SMARCA2: variants seen among roughly 807,000 people sequenced by gnomAD.
SMARCA2 encodes the protein SWI/SNF-related matrix-associated actin-dependent regulator of chromatin subfamily A member 2.
Under a neutral mutation model 199.8 loss-of-function variants are expected in SMARCA2, and 61 were observed. The observed-to-expected ratio is 0.31, with a 90% CI of 0.25 to 0.38. The LOEUF (loss-of-function observed/expected upper bound fraction) is 0.38, where lower values mean the gene tolerates loss of function less well. Ranked by LOEUF, SMARCA2 falls within the 10% of genes least tolerant of loss-of-function variation. The pLI is 1.00. For synonymous variants in SMARCA2, 935 were observed against 732.0 expected (o/e 1.28, Z -4.48); for missense variants, 1,344 against 2,012.2 (o/e 0.67, Z 6.35).
At chr9:2,162,324 A>C (rs1825723745) in intron 28 of SMARCA2, among the ~76,000 whole-genome samples, 1 of 152,240 alleles carries the variant, frequency 6.6e-6, no homozygotes, top group African/African-American at 2.4e-5. Flanking sequence ...TTTAAAGCAA[A>C]ATAGATGCTT....
Position 2,192,945 on chromosome 9 carries a change from C to T in SMARCA2, c.*206C>T. On this transcript the variant is annotated 3_prime_UTR_variant, in exon 34 of 34. Transcript: ENST00000349721. ...CACAAATATTTGTAACATATTGTGACCAAATGGGCCTCAAAGATTCAGATT... is the reference window on the plus strand; with the variant it reads ...CACAAATATTTGTAACATATTGTGATCAAATGGGCCTCAAAGATTCAGATT... 5.8e-6 allele frequency: 3 copies of T among 515,398 alleles called. No individual in the cohort carries two copies. Among genetic ancestry groups the T allele is most frequent in the Non-Finnish European group, 6.8e-6 (2 of 292,382 alleles). 31.9% of individuals were successfully genotyped at this position (515,398 alleles called of 1,614,324 possible).
chr9:2,171,560 TG>T (rs1826249381), intron 29 of SMARCA2, among the ~76,000 whole-genome samples: 2 of 152,372 alleles, frequency 1.3e-5, no homozygotes, highest in African/African-American at 4.8e-5. Context: ...TGACTAATCC[TG>T]GAAACCAGGC....
chr9:2,083,452 A>C, intron 16 of SMARCA2, 39 bp downstream of exon 16: 1 of 1,303,402 alleles, frequency 7.7e-7, no homozygotes. Flanking sequence ...GTGGAAAAGC[A>C]AAAAATAGAC....
chr9:2,123,798 C>T lies in SMARCA2; in HGVS notation c.3842C>T (p.Pro1281Leu). 6.2e-7 allele frequency: 1 copy of T among 1,613,776 alleles called. No individual in the cohort carries two copies. Residue 1281 changes from proline (P) to leucine (L), a missense_variant, in exon 27 of 34, where the codon CCC becomes CTC. Transcript: ENST00000349721. This position sits in a 1 kb window ranked among gnomAD's most constrained non-coding sequence, Gnocchi z 4.1. Reference sequence around the variant, plus strand: ...CGTTTAATGGAGGAGGATGAGCTGCCCTCCTGGATCATTAAGGATGACGCT... The same window carrying T: ...CGTTTAATGGAGGAGGATGAGCTGCTCTCCTGGATCATTAAGGATGACGCT... ...KPRLMEEDEL[P>L]SWIIKDDAEV...
chr9:2,151,763 T>A (rs906979538), intron 27 of SMARCA2, among the ~76,000 whole-genome samples: 5 of 151,808 alleles, frequency 3.3e-5, no homozygotes, highest in African/African-American at 1.2e-4. Flanking sequence ...TTAAAAAATA[T>A]GTAAACCACA....
intron 19 of SMARCA2, among the ~76,000 whole-genome samples, chr9:2,093,240 A>C (rs912958554): frequency 9.2e-5 from 14 of 152,372 alleles, no homozygotes; most frequent in African/African-American, 1.4e-4. Context: ...CGGGGTACCC[A>C]GTATGTACAC....
chr9:2,127,510 G>C (rs1348205420), intron 27 of SMARCA2, among the ~76,000 whole-genome samples: 2 of 152,144 alleles, frequency 1.3e-5, no homozygotes, highest in Non-Finnish European at 2.9e-5. Flanking sequence ...GGGTCATTCA[G>C]GGCTCCAGGC....
intron 26 of SMARCA2, among the ~76,000 whole-genome samples, chr9:2,122,504 C>A (rs950934057): frequency 3.9e-5 from 6 of 152,178 alleles, no homozygotes; most frequent in African/African-American, 1.4e-4. Flanking sequence ...AATTATAGCA[C>A]ATGACAGAGC....
At position 2,124,508 on chromosome 9, in the gene SMARCA2, A is replaced by T. The variant is rs575750917; in HGVS notation, c.3981+571A>T. 3.9e-5 allele frequency among the ~76,000 whole-genome samples: 6 copies of T among 152,312 alleles called. No individual in the cohort carries two copies. In the South Asian group the frequency reaches 1.2e-3, roughly 32 times the overall value. ...AGAAACTGAGGCCCAGAGAGGTGAC[A>T]TGGCTATGCAGGACACACAGCTGGT... On this transcript the variant is annotated intron_variant, in intron 27 of 33. Transcript: ENST00000349721.
At chr9:2,133,805 G>A (rs1435076460) in intron 27 of SMARCA2, among the ~76,000 whole-genome samples, 1 of 152,158 alleles carries the variant, frequency 6.6e-6, no homozygotes, top group African/African-American at 2.4e-5. Flanking sequence ...GGGTTCGGGT[G>A]AGCATCAGAA....
Position 2,016,935 on chromosome 9 carries a change from C to T in SMARCA2, c.-37+1531C>T, listed in dbSNP as rs1461856727. Reference sequence around the variant, plus strand: ...CCGGTCCGGCGCGCCAGCCCCTCGGCGCCCTCCGGCCGCAGGGCGCACACG... The same window carrying T: ...CCGGTCCGGCGCGCCAGCCCCTCGGTGCCCTCCGGCCGCAGGGCGCACACG... On this transcript the variant is annotated intron_variant, in intron 1 of 33. Transcript: ENST00000349721. The surrounding 1 kb of genome is among the most constrained non-coding windows in gnomAD (Gnocchi z 5.6). 6.6e-6 allele frequency among the ~76,000 whole-genome samples: 1 copy of T among 152,180 alleles called. No homozygotes were observed. The highest frequency in any genetic ancestry group is 1.9e-4 in the East Asian group (1 of 5,176).
chr9:2,160,448 C>T (rs1421899676), intron 27 of SMARCA2: 2 of 517,590 alleles, frequency 3.9e-6, no homozygotes, highest in Non-Finnish European at 6.9e-6. Flanking sequence ...TTTTAACATG[C>T]CAGGTTGTTT....
At chr9:2,192,380 T>A (rs1474539466) in intron 33 of SMARCA2, 2 of 272,716 alleles carry the variant, frequency 7.3e-6, no homozygotes, top group Admixed American at 1.2e-4. Flanking sequence ...ATGCAGGGTA[T>A]TTTTTTTTCT....
chr9:2,112,203 G>A (rs535742594), intron 24 of SMARCA2, among the ~76,000 whole-genome samples: 1 of 152,144 alleles, frequency 6.6e-6, no homozygotes, highest in Non-Finnish European at 1.5e-5. Context: ...GAAGGAAGAC[G>A]TGATGTGACT....
chr9:2,122,666 G>T (rs1483773399), intron 26 of SMARCA2, among the ~76,000 whole-genome samples: 2 of 152,166 alleles, frequency 1.3e-5, no homozygotes, highest in African/African-American at 4.8e-5. Flanking sequence ...ATTTGGGTTT[G>T]CGTAGATATT....
At chr9:2,173,100 A>T (rs554734444) in intron 29 of SMARCA2, among the ~76,000 whole-genome samples, 1 of 152,192 alleles carries the variant, frequency 6.6e-6, no homozygotes, top group African/African-American at 2.4e-5. Flanking sequence ...TAGCTCTTGG[A>T]TCTCTGCCCT....
chr9:2,038,433 C>T (rs548349843), intron 3 of SMARCA2, among the ~76,000 whole-genome samples: 1 of 152,308 alleles, frequency 6.6e-6, no homozygotes, highest in East Asian at 1.9e-4. Context: ...CTTCCGTCTA[C>T]TGACACCTAC....
At position 2,063,649 on chromosome 9, in the gene SMARCA2, A is replaced by T. The variant is rs186619651; in HGVS notation, c.1692+2663A>T. On this transcript the variant is annotated intron_variant, in intron 9 of 33. Coordinates refer to ENST00000349721, the MANE Select transcript of SMARCA2 (RefSeq NM_003070.5). ...ACTAAGCTACTGATTACTCTAAGAA[A>T]TGTGCTATTAAAGATGAATATGGTT... is the stretch of plus-strand genomic sequence containing the variant. 1.6e-3 allele frequency among the ~76,000 whole-genome samples: 247 copies of T among 152,336 alleles called. 2 individuals carry two copies. The highest frequency in any genetic ancestry group is 5.6e-3 in the African/African-American group (231 of 41,574).
chr9:2,083,257 T>A (rs1199636798), intron 15 of SMARCA2, 90 bp from the exon 16 acceptor site: 11 of 765,192 alleles, frequency 1.4e-5, no homozygotes, highest in Non-Finnish European at 1.9e-5. Flanking sequence ...CCTTTCAAGG[T>A]GAGGCCTGAA....
Sources: gnomAD v4.1 joint callset for allele counts (sites outside exome capture counted in the v4.1 genomes callset) on GRCh38, gnomAD v4.1.1 for gene constraint, Gnocchi (gnomAD v3.1) non-coding constraint, MANE v1.5 for transcripts, NCBI Gene and HGNC (gene_info 2026-07-23, HGNC 2026-07-21) for gene names.